The following CHRM3 variants were observed in gnomAD, a reference collection of about 807,000 sequenced individuals.
CHRM3 encodes cholinergic receptor muscarinic 3.
Under a neutral mutation model 41.8 loss-of-function variants are expected in CHRM3, and 11 were observed. The ratio of observed to expected loss-of-function variants is 0.26; its 90% CI spans 0.17 to 0.44. CHRM3 has a LOEUF of 0.44. Ranked by LOEUF, CHRM3 falls within the 20% of genes least tolerant of loss-of-function variation. The pLI is 1.00. For synonymous variants in CHRM3, 297 were observed against 301.4 expected, an observed-to-expected ratio of 0.99 and a Z score of 0.15; for missense variants, 571 against 745.4, an observed-to-expected ratio of 0.77 and a Z score of 2.72.
At chr1:239,398,698 A>G (rs1324303455) in intron 1 of CHRM3, among the ~76,000 whole-genome samples, 3 of 152,206 alleles carry the variant, frequency 2.0e-5, no homozygotes, top group Non-Finnish European at 4.4e-5. Context: ...TTATCTGATA[A>G]TAAAATTAAG....
Position 239,907,551 on chromosome 1 carries a change from G to C in CHRM3, c.100G>C (p.Val34Leu), listed in dbSNP as rs201042655. 3 of 1,614,098 alleles carry C rather than the reference G, an allele frequency of 1.9e-6. No individual in the cohort carries two copies. The East Asian group carries it at 6.7e-5, about 36-fold the overall frequency. ...CGATGCAGGGCTGCCCCCGGGAACC[G>C]TCACTCATTTCGGCAGCTACAATGT... ...PSDAGLPPGT[V>L]THFGSYNVSR... Residue 34 changes from valine (V) to leucine (L), a missense_variant, in exon 7 of 7, where the codon GTC (valine) becomes CTC (leucine). Physicochemically the swap from Val to Leu is conservative, Grantham distance 32. Transcript: ENST00000676153. The surrounding 1 kb of genome is among the most constrained non-coding windows in gnomAD (Gnocchi z 5.4).
At chr1:239,438,512 AT>A (rs773697452) in intron 1 of CHRM3, among the ~76,000 whole-genome samples, 10 of 152,136 alleles carry the variant, frequency 6.6e-5, no homozygotes, top group Non-Finnish European at 1.3e-4. Context: ...TCACTTCTAT[AT>A]TTTACTTTGA....
intron 5 of CHRM3, among the ~76,000 whole-genome samples, chr1:239,809,080 C>T (rs615384): frequency 0.2 from 28,771 of 141,966 alleles, 3,085 homozygotes; most frequent in Middle Eastern, 0.32. Context: ...AGTGCATTGG[C>T]GCAATCTCGG....
At chr1:239,589,367 A>G (rs1663813641) in intron 3 of CHRM3, among the ~76,000 whole-genome samples, 2 of 151,918 alleles carry the variant, frequency 1.3e-5, no homozygotes, top group African/African-American at 4.8e-5. Context: ...CTACCTGTGT[A>G]GACATCTTTC....
chr1:239,778,155 C>T (rs1421092194), intron 5 of CHRM3, among the ~76,000 whole-genome samples: 1 of 152,060 alleles, frequency 6.6e-6, no homozygotes, highest in Non-Finnish European at 1.5e-5. Context: ...GACCTTTGAC[C>T]ATCTGCCCCA....
intron 6 of CHRM3, among the ~76,000 whole-genome samples, chr1:239,827,869 G>A (rs911918244): frequency 1.3e-5 from 2 of 152,120 alleles, no homozygotes. Context: ...GTCTAAGTGT[G>A]AAAAACTAGA....
chr1:239,467,427 G>A lies in CHRM3; in HGVS notation c.-520-25282G>A, dbSNP rs1474003761. ...AGCGATTCTCCTACCTCAGCCTCCC[G>A]AGTAGCTGGGATTACAGGCACATGC... On this transcript the variant is annotated intron_variant, in intron 1 of 6. Transcript: ENST00000676153. Among the ~76,000 whole-genome samples the A allele has an allele frequency of 3.9e-5, 6 of 151,972 alleles. No individual in the cohort carries two copies. In the South Asian group the frequency reaches 6.2e-4, roughly 16 times the overall value.
chr1:239,666,461 G>A (rs1274054820), intron 4 of CHRM3, among the ~76,000 whole-genome samples: 5 of 151,888 alleles, frequency 3.3e-5, no homozygotes, highest in African/African-American at 7.3e-5. Flanking sequence ...CAAAGTGCTC[G>A]GATTACAGGC....
chr1:239,803,878 T>C (rs1318695606), intron 5 of CHRM3, among the ~76,000 whole-genome samples: 2 of 152,226 alleles, frequency 1.3e-5, no homozygotes, highest in Non-Finnish European at 2.9e-5. Flanking sequence ...TCCCGGTAAC[T>C]GCAGTAAGTC....
intron 5 of CHRM3, among the ~76,000 whole-genome samples, chr1:239,723,516 A>G (rs1289541843): frequency 6.6e-6 from 1 of 151,922 alleles, no homozygotes; most frequent in Non-Finnish European, 1.5e-5. Flanking sequence ...TACTGAGACA[A>G]ATGTTTATTA....
chr1:239,651,985 GTT>G (rs56096731), intron 4 of CHRM3, among the ~76,000 whole-genome samples: 4,594 of 140,188 alleles, frequency 0.033, 204 homozygotes, highest in African/African-American at 0.1. Flanking sequence ...GCCAGTTTTT[GTT>G]TTTTTTTTTT....
intron 3 of CHRM3, among the ~76,000 whole-genome samples, chr1:239,593,264 C>A (rs909511122): frequency 1.2e-4 from 19 of 152,132 alleles, no homozygotes; most frequent in African/African-American, 4.6e-4. Context: ...AAATTTTATT[C>A]TTTACCTAGA....
At chr1:239,419,159 G>C (rs988379268) in intron 1 of CHRM3, among the ~76,000 whole-genome samples, 1 of 152,064 alleles carries the variant, frequency 6.6e-6, no homozygotes, top group Admixed American at 6.6e-5. Context: ...CTAGTCTAAG[G>C]GTTCTCGTAT....
intron 6 of CHRM3, among the ~76,000 whole-genome samples, chr1:239,894,981 CTG>C (rs989477899): frequency 6.6e-6 from 1 of 152,192 alleles, no homozygotes; most frequent in African/African-American, 2.4e-5. Flanking sequence ...CAAGCATTCA[CTG>C]CCCTGGAAGA....
intron 6 of CHRM3, among the ~76,000 whole-genome samples, chr1:239,850,382 A>G (rs1458446374): frequency 1.3e-5 from 2 of 152,132 alleles, no homozygotes; most frequent in Non-Finnish European, 1.5e-5. Flanking sequence ...CTCAGGGATA[A>G]CAGAGGTGTC....
chr1:239,712,893 C>A (rs1179151905), intron 5 of CHRM3, among the ~76,000 whole-genome samples: 1 of 152,120 alleles, frequency 6.6e-6, no homozygotes, highest in Non-Finnish European at 1.5e-5. Context: ...AGTAAAAAGA[C>A]ATATTTTTGT....
At chr1:239,511,762 A>C (rs1668938396) in intron 2 of CHRM3, among the ~76,000 whole-genome samples, 1 of 152,226 alleles carries the variant, frequency 6.6e-6, no homozygotes. Context: ...TTCTTGATAG[A>C]AAGGAAACAT....
At chr1:239,528,330 A>T (rs1159496818) in intron 2 of CHRM3, among the ~76,000 whole-genome samples, 2 of 152,158 alleles carry the variant, frequency 1.3e-5, no homozygotes, top group Non-Finnish European at 2.9e-5. Context: ...AGACTTGGCA[A>T]ATCTTGCTGA....
chr1:239,860,936 A>G (rs1284559780), intron 6 of CHRM3, among the ~76,000 whole-genome samples: 1 of 152,174 alleles, frequency 6.6e-6, no homozygotes, highest in Non-Finnish European at 1.5e-5. Context: ...TTTTCTTACA[A>G]TAACTTTGAG....
Sources: gnomAD v4.1 joint callset for allele counts (sites outside exome capture counted in the v4.1 genomes callset) on GRCh38, gnomAD v4.1.1 for gene constraint, Gnocchi (gnomAD v3.1) non-coding constraint, MANE v1.5 for transcripts, NCBI Gene and HGNC (gene_info 2026-07-23, HGNC 2026-07-21) for gene names.